The following ZHX2 variants were observed in gnomAD, a reference collection of about 807,000 sequenced individuals.
The protein encoded by ZHX2 is zinc fingers and homeoboxes 2.
A neutral mutation model predicts 21.9 loss-of-function variants in ZHX2; 6 were observed. That is an observed-to-expected ratio of 0.27 (90% CI 0.15 to 0.54). ZHX2 has a LOEUF of 0.54. ZHX2 is among the 20% of genes least tolerant of loss of function. The pLI is 0.95. For missense variants in ZHX2, 908 were observed against 1,090.7 expected, an observed-to-expected ratio of 0.83 and a Z score of 2.36; for synonymous variants, 434 against 437.1, an observed-to-expected ratio of 0.99 and a Z score of 0.09.
At chr8:122,913,665 C>A (rs138917647) in intron 2 of ZHX2, among the ~76,000 whole-genome samples, 1 of 152,302 alleles carries the variant, frequency 6.6e-6, no homozygotes, top group East Asian at 1.9e-4. Flanking sequence ...CTTGAGCAAC[C>A]CTAAACTCAG....
chr8:122,856,551 AT>A (rs948779603), intron 1 of ZHX2, among the ~76,000 whole-genome samples: 6 of 152,028 alleles, frequency 3.9e-5, no homozygotes, highest in Non-Finnish European at 5.9e-5. Flanking sequence ...TAGACTCCCA[AT>A]CTTAAGGGAG....
chr8:122,966,676 C>T (rs1813593574), intron 3 of ZHX2, among the ~76,000 whole-genome samples: 1 of 152,116 alleles, frequency 6.6e-6, no homozygotes, highest in Admixed American at 6.5e-5. Flanking sequence ...GTTCTTTGAG[C>T]TTTTTGTATT....
In ZHX2 at chr8:122,951,999, G is replaced by T; in HGVS notation, c.489G>T (p.Val163=). 1 of 1,613,466 alleles carries T rather than the reference G, an allele frequency of 6.2e-7. No individual in the cohort carries two copies. Among genetic ancestry groups the T allele is most frequent in the Non-Finnish European group, 8.5e-7 (1 of 1,179,976 alleles). The change falls in exon 3 of 4, where the codon GTG becomes GTT. Residue 163 remains valine, a synonymous_variant. Coordinates refer to ENST00000314393, the MANE Select transcript of ZHX2 (RefSeq NM_014943.5). Reference sequence around the variant, plus strand: ...CCATCGAAACCACCAACCATGTCGTGTCCATCACCACCAGTGGCCCTGGAA... The same window carrying T: ...CCATCGAAACCACCAACCATGTCGTTTCCATCACCACCAGTGGCCCTGGAA... ...EQSIETTNHV[V]SITTSGPGTG...
At chr8:122,847,442 C>T (rs954362258) in intron 1 of ZHX2, among the ~76,000 whole-genome samples, 1 of 152,208 alleles carries the variant, frequency 6.6e-6, no homozygotes, top group South Asian at 2.1e-4. Context: ...TGGGAGCACC[C>T]CGGGCCCTGA....
At position 122,953,382 on chromosome 8, in the gene ZHX2, T is replaced by C; in HGVS notation, c.1872T>C (p.Ser624=). The C allele has an allele frequency of 6.2e-7, 1 of 1,614,130 alleles. No homozygotes were observed. Among genetic ancestry groups the C allele is most frequent in the South Asian group, 1.1e-5 (1 of 91,080 alleles). Residue 624 remains serine, a synonymous_variant, in exon 3 of 4, where the codon AGT becomes AGC. Transcript: ENST00000314393. This position sits in a 1 kb window ranked among gnomAD's most constrained non-coding sequence, Gnocchi z 4.6. ...LDQLSGAQLT[S]SLPSPSPAIA... ...AGCTCTCCGGTGCCCAGTTAACAAG[T>C]TCTCTGCCCAGCCCTTCGCCAGCAA...
At chr8:122,841,128 A>G (rs1586314800) in intron 1 of ZHX2, among the ~76,000 whole-genome samples, 1 of 152,182 alleles carries the variant, frequency 6.6e-6, no homozygotes, top group African/African-American at 2.4e-5. Context: ...TACTGCTGCC[A>G]GGTGGAGCGT....
At chr8:122,836,472 C>G (rs760123868) in intron 1 of ZHX2, among the ~76,000 whole-genome samples, 42 of 152,250 alleles carry the variant, frequency 2.8e-4, no homozygotes, top group Admixed American at 2.0e-3. Context: ...GTTCTTGTAT[C>G]GGTTCGAACC....
chr8:122,784,468 G>GCAGCATTCAGATACACGA (rs1817354935), intron 1 of ZHX2, among the ~76,000 whole-genome samples: 1 of 152,108 alleles, frequency 6.6e-6, no homozygotes, highest in South Asian at 2.1e-4. Flanking sequence ...GTCCATTGTA[G>GCAGCATTCAGATACACGA]CAGCATTCAG....
At chr8:122,957,548 A>C (rs1586425456) in intron 3 of ZHX2, among the ~76,000 whole-genome samples, 1 of 151,718 alleles carries the variant, frequency 6.6e-6, no homozygotes, top group Non-Finnish European at 1.5e-5. Context: ...ACTCACCCCA[A>C]CCTCCGCCTC....
At chr8:122,893,554 C>G (rs1820030884) in intron 2 of ZHX2, among the ~76,000 whole-genome samples, 1 of 151,698 alleles carries the variant, frequency 6.6e-6, no homozygotes, top group Non-Finnish European at 1.5e-5. Context: ...TGGGTTATTT[C>G]AAAGACCTGT....
intron 1 of ZHX2, among the ~76,000 whole-genome samples, chr8:122,833,920 C>T (rs1304963745): frequency 6.6e-6 from 1 of 151,904 alleles, no homozygotes; most frequent in Non-Finnish European, 1.5e-5. Context: ...TGGCGTGAAC[C>T]CGGGAGGCGG....
At chr8:122,869,329 T>G (rs917447696) in intron 2 of ZHX2, among the ~76,000 whole-genome samples, 1 of 151,754 alleles carries the variant, frequency 6.6e-6, no homozygotes, top group East Asian at 1.9e-4. Flanking sequence ...TTTTTTGTTT[T>G]TTTTTTTTGT....
chr8:122,843,190 G>T (rs184632884), intron 1 of ZHX2, among the ~76,000 whole-genome samples: 43 of 152,340 alleles, frequency 2.8e-4, no homozygotes, highest in African/African-American at 9.4e-4. Flanking sequence ...TCTGTTACAT[G>T]CCAGACTCTG....
chr8:122,916,445 A>C (rs1025257013), intron 2 of ZHX2, among the ~76,000 whole-genome samples: 1 of 152,022 alleles, frequency 6.6e-6, no homozygotes, highest in African/African-American at 2.4e-5. Flanking sequence ...TGTGCCTTTC[A>C]CTTCAATCCA....
intron 1 of ZHX2, among the ~76,000 whole-genome samples, chr8:122,783,314 C>G (rs531812499): frequency 6.6e-6 from 1 of 152,210 alleles, no homozygotes; most frequent in Admixed American, 6.5e-5. Context: ...GGGACACTGC[C>G]TTTTAGGCCC....
chr8:122,877,545 G>C (rs1262713158), intron 2 of ZHX2, among the ~76,000 whole-genome samples: 1 of 152,166 alleles, frequency 6.6e-6, no homozygotes. Context: ...ACTTGTCCTA[G>C]GTCCTGAGGC....
chr8:122,921,240 C>T (rs1358878105), intron 2 of ZHX2, among the ~76,000 whole-genome samples: 3 of 152,136 alleles, frequency 2.0e-5, no homozygotes, highest in Non-Finnish European at 2.9e-5. Context: ...CACAACCACA[C>T]CTGGCTAATT....
chr8:122,957,955 T>C (rs1213004395), intron 3 of ZHX2, among the ~76,000 whole-genome samples: 3 of 152,248 alleles, frequency 2.0e-5, no homozygotes, highest in African/African-American at 7.2e-5. Context: ...AATTCATAAA[T>C]ATTCAGTGAT....
intron 1 of ZHX2, among the ~76,000 whole-genome samples, chr8:122,810,265 T>C (rs1367841465): frequency 6.6e-6 from 1 of 152,190 alleles, no homozygotes; most frequent in African/African-American, 2.4e-5. Flanking sequence ...CAGTTTCCTT[T>C]TCTGTAAAAT....
Sources: gnomAD v4.1 joint callset for allele counts (sites outside exome capture counted in the v4.1 genomes callset) on GRCh38, gnomAD v4.1.1 for gene constraint, Gnocchi (gnomAD v3.1) non-coding constraint, MANE v1.5 for transcripts, NCBI Gene and HGNC (gene_info 2026-07-23, HGNC 2026-07-21) for gene names.